Variants in DGKD observed in about 807,000 individuals in gnomAD.
The protein encoded by DGKD is DAG kinase delta.
In DGKD, 68 loss-of-function variants were observed where a neutral mutation model predicts 154.4. That is an observed-to-expected ratio of 0.44 (90% CI 0.36 to 0.54). DGKD has a LOEUF of 0.54. Ranked by LOEUF, DGKD falls within the 20% of genes least tolerant of loss-of-function variation. The pLI, the probability that DGKD is intolerant of heterozygous loss-of-function variation, is 0.00. For missense variants in DGKD, 1,343 were observed against 1,593.6 expected, an observed-to-expected ratio of 0.84 and a Z score of 2.68; for synonymous variants, 693 against 638.0, an observed-to-expected ratio of 1.09 and a Z score of -1.30.
intron 1 of DGKD, among the ~76,000 whole-genome samples, chr2:233,357,140 G>A (rs1003951742): frequency 2.0e-5 from 3 of 152,158 alleles, no homozygotes; most frequent in Non-Finnish European, 2.9e-5. Context: ...ACCAAAAACT[G>A]GGGTCACAAG....
chr2:233,429,150 G>C, intron 3 of DGKD: 1 of 985,316 alleles, frequency 1.0e-6, no homozygotes, highest in South Asian at 4.7e-5. Flanking sequence ...CTTCTCAAAC[G>C]CTGAGGCTGA....
chr2:233,402,652 C>G (rs1029434920), intron 3 of DGKD, among the ~76,000 whole-genome samples: 1 of 152,196 alleles, frequency 6.6e-6, no homozygotes, highest in African/African-American at 2.4e-5. Context: ...CATGTCCGGC[C>G]GGCAGCTTGG....
intron 3 of DGKD, among the ~76,000 whole-genome samples, chr2:233,430,762 C>A (rs980313946): frequency 2.0e-5 from 3 of 152,110 alleles, no homozygotes; most frequent in African/African-American, 7.2e-5. Flanking sequence ...AAAGTTTATA[C>A]CCTGTTTACC....
chr2:233,450,022 C>A lies in DGKD; in HGVS notation c.1929C>A (p.Gly643=). 1 of 1,613,116 alleles carries A rather than the reference C, an allele frequency of 6.2e-7. No homozygotes were observed. Among genetic ancestry groups the A allele is most frequent in the Non-Finnish European group, 8.5e-7 (1 of 1,179,456 alleles). Residue 643 remains glycine (G), a synonymous_variant, in exon 16 of 30, where the codon GGC becomes GGA. Transcript: ENST00000264057. ...EQNAQTQEQE[G]FVLGLSESEE... ...ATGCCCAGACCCAGGAGCAGGAGGG[C>A]TTCGTCCTGGGCCTCTCTGAGTCAG...
Position 233,464,261 on chromosome 2 carries a change from C to T in DGKD, c.3284C>T (p.Ser1095Phe), listed in dbSNP as rs575794923. ...RLADTPWLCQSAEPGDEESVM... is the reference protein window; with the variant it reads ...RLADTPWLCQFAEPGDEESVM... The stretch of plus-strand genomic sequence containing the variant: ...GCAGACACCCCGTGGCTCTGCCAGT[C>T]CGCAGAGCCCGGCGACGAAGAGGTA... Residue 1095 changes from serine (S) to phenylalanine (F), a missense_variant, in exon 27 of 30, where the codon TCC (serine) becomes TTC (phenylalanine). Coordinates refer to ENST00000264057, the MANE Select transcript of DGKD (RefSeq NM_152879.3). 6.2e-7 allele frequency: 1 copy of T among 1,613,616 alleles called. No homozygotes were observed. The highest frequency in any genetic ancestry group is 1.3e-5 in the African/African-American group (1 of 75,068).
At chr2:233,450,201 C>A in intron 16 of DGKD, 70 bp downstream of exon 16, 1 of 1,491,094 alleles carries the variant, frequency 6.7e-7, no homozygotes, top group South Asian at 1.4e-5. Flanking sequence ...GCGGGCTTGC[C>A]AGGGGAGGTT....
At chr2:233,426,149 A>G (rs2062290243) in intron 3 of DGKD, among the ~76,000 whole-genome samples, 1 of 152,206 alleles carries the variant, frequency 6.6e-6, no homozygotes, top group South Asian at 2.1e-4. Context: ...CATTTCTAAC[A>G]CTGTTTTAAC....
Position 233,445,676 on chromosome 2 carries a change from G to C in DGKD, c.1248G>C (p.Leu416=). Residue 416 remains leucine (L), a synonymous_variant, in exon 11 of 30, where the codon CTG becomes CTC. Transcript: ENST00000264057. The surrounding 1 kb of genome is among the most constrained non-coding windows in gnomAD (Gnocchi z 5.5). ...CAGGGAACGACTTGGCCCGAGTACT[G>C]GGCTGGGGCTCAGCCTGCGATGACG... is the stretch of plus-strand genomic sequence containing the variant. The part of the protein sequence containing the change: ...LGTGNDLARV[L]GWGSACDDDT... 1.2e-6 allele frequency: 2 copies of C among 1,613,534 alleles called. No individual in the cohort carries two copies. The highest frequency in any genetic ancestry group is 1.7e-6 in the Non-Finnish European group (2 of 1,179,794).
chr2:233,428,171 C>T (rs1575100154), intron 3 of DGKD, among the ~76,000 whole-genome samples: 1 of 152,062 alleles, frequency 6.6e-6, no homozygotes, highest in Non-Finnish European at 1.5e-5. Context: ...GGGGTGCCTG[C>T]TGGTTGGTGT....
intron 3 of DGKD, among the ~76,000 whole-genome samples, chr2:233,415,642 G>A (rs2061941880): frequency 6.6e-6 from 1 of 152,196 alleles, no homozygotes; most frequent in Non-Finnish European, 1.5e-5. Flanking sequence ...TAATTAATTA[G>A]AGATGAGGTT....
At chr2:233,377,874 G>A (rs1350877902) in intron 1 of DGKD, among the ~76,000 whole-genome samples, 1 of 152,090 alleles carries the variant, frequency 6.6e-6, no homozygotes, top group African/African-American at 2.4e-5. Flanking sequence ...ACAGTGGTGC[G>A]ATCACAGCTC....
intron 1 of DGKD, among the ~76,000 whole-genome samples, chr2:233,374,004 T>G (rs936316463): frequency 6.6e-6 from 1 of 151,942 alleles, no homozygotes; most frequent in Non-Finnish European, 1.5e-5. Flanking sequence ...CTCCCCTTTA[T>G]GTCTTTTAGT....
At chr2:233,377,750 G>A (rs372341586) in intron 1 of DGKD, among the ~76,000 whole-genome samples, 3 of 152,056 alleles carry the variant, frequency 2.0e-5, no homozygotes, top group East Asian at 3.8e-4. Flanking sequence ...TTTTGCAGTC[G>A]TGTTGAGTGC....
At chr2:233,395,530 CTT>C (rs1703951233) in intron 3 of DGKD, among the ~76,000 whole-genome samples, 1 of 151,928 alleles carries the variant, frequency 6.6e-6, no homozygotes, top group South Asian at 2.1e-4. Flanking sequence ...TGTGTTGTCT[CTT>C]AAACATTTAT....
chr2:233,442,579 A>G (rs1429879512), intron 10 of DGKD: 6 of 176,038 alleles, frequency 3.4e-5, no homozygotes, highest in African/African-American at 7.1e-5. Context: ...TAAACGGGCT[A>G]TTCTGTTACT....
chr2:233,447,599 G>A (rs770568553), intron 12 of DGKD: 133 of 986,528 alleles, frequency 1.3e-4, no homozygotes, highest in East Asian at 6.8e-4. Flanking sequence ...TGAAGTTTGC[G>A]ACCCTGGGGC....
chr2:233,436,931 G>A (rs948556984), intron 7 of DGKD, among the ~76,000 whole-genome samples: 2 of 152,220 alleles, frequency 1.3e-5, no homozygotes, highest in Admixed American at 1.3e-4. Context: ...GACTCAGGGA[G>A]CCTCCATGTA....
chr2:233,430,872 A>T (rs958497810), intron 3 of DGKD, among the ~76,000 whole-genome samples: 4 of 152,168 alleles, frequency 2.6e-5, no homozygotes, highest in Non-Finnish European at 5.9e-5. Flanking sequence ...CAAAAAATAG[A>T]TTGCTATTTT....
At position 233,435,811 on chromosome 2, in the gene DGKD, C is replaced by T. The variant is rs771922379; in HGVS notation, c.587-7C>T. 1 of 1,610,540 alleles carries T rather than the reference C, an allele frequency of 6.2e-7. No homozygotes were observed. The highest frequency in any genetic ancestry group is 8.5e-7 in the Non-Finnish European group (1 of 1,178,272). The stretch of plus-strand genomic sequence containing the variant: ...GCTTGTAGGCTCATGTGCCCCTTCT[C>T]TCACAGTGTGCAAATTTAAGGCCCA... On this transcript the variant is annotated splice_region_variant and splice_polypyrimidine_tract_variant and intron_variant, in intron 5 of 29. Transcript: ENST00000264057.
Sources: allele counts gnomAD v4.1 joint callset (sites outside exome capture counted in the v4.1 genomes callset), GRCh38; gene constraint gnomAD v4.1.1; non-coding constraint Gnocchi (gnomAD v3.1); transcripts MANE v1.5; gene names NCBI Gene and HGNC (gene_info 2026-07-23, HGNC 2026-07-21).